Variants in SFXN1 observed in about 807,000 individuals in gnomAD.
The protein encoded by SFXN1 is sideroflexin-1.
A neutral mutation model predicts 39.5 loss-of-function variants in SFXN1; 32 were observed. That is an observed-to-expected ratio of 0.81 (90% CI 0.61 to 1.09). The LOEUF (loss-of-function observed/expected upper bound fraction) is 1.09, where lower values mean the gene tolerates loss of function less well. Among genes scored for constraint, SFXN1 ranks in the 50% least tolerant of loss-of-function variants. The pLI, the probability that SFXN1 is intolerant of heterozygous loss-of-function variation, is 0.00. For synonymous variants in SFXN1, 136 were observed against 146.5 expected, an observed-to-expected ratio of 0.93 and a Z score of 0.52; for missense variants, 402 against 407.1, an observed-to-expected ratio of 0.99 and a Z score of 0.11.
chr5:175,481,011 CTAAG>C (rs1759230624), intron 1 of SFXN1, among the ~76,000 whole-genome samples: 4 of 152,186 alleles, frequency 2.6e-5, no homozygotes, highest in African/African-American at 7.2e-5. Flanking sequence ...TTCAAAGTTA[CTAAG>C]TTTTTCTTTA....
intron 7 of SFXN1, 77 bp downstream of exon 7, chr5:175,513,667 C>T: frequency 6.9e-7 from 1 of 1,457,960 alleles, no homozygotes; most frequent in Non-Finnish European, 9.5e-7. Context: ...AGAAAACAAA[C>T]ACATATATCA....
chr5:175,524,477 T>C (rs1760998290), intron 10 of SFXN1, among the ~76,000 whole-genome samples: 1 of 152,072 alleles, frequency 6.6e-6, no homozygotes, highest in Non-Finnish European at 1.5e-5. Context: ...TCCCGTCTCC[T>C]ATGTGAACAA....
At chr5:175,507,177 CCTT>C (rs752816942) in intron 2 of SFXN1, among the ~76,000 whole-genome samples, 34 of 151,992 alleles carry the variant, frequency 2.2e-4, no homozygotes, top group Non-Finnish European at 4.4e-4. Flanking sequence ...CATTACTTGG[CCTT>C]CTTCTGTGTC....
At chr5:175,516,220 T>C (rs555741419) in intron 7 of SFXN1, among the ~76,000 whole-genome samples, 1 of 152,300 alleles carries the variant, frequency 6.6e-6, no homozygotes, top group South Asian at 2.1e-4. Flanking sequence ...TGGTCTAGCC[T>C]GTACGGAAGC....
At chr5:175,521,717 T>C (rs1360486648) in intron 8 of SFXN1, among the ~76,000 whole-genome samples, 1 of 152,238 alleles carries the variant, frequency 6.6e-6, no homozygotes, top group African/African-American at 2.4e-5. Context: ...ACTTGATCTT[T>C]GCGTGTGTGC....
Position 175,513,508 on chromosome 5 carries a change from C to G in SFXN1, c.642C>G (p.Arg214=), listed in dbSNP as rs901963159. The change falls in exon 7 of 11, where the codon CGC becomes CGG. Residue 214 remains arginine (R), a synonymous_variant. Transcript: ENST00000321442. ...CCGTCACGGATGAGAATGGGAACCGCTTGGGGGAGTCGGCGAACGCTGCGA... is the reference window on the plus strand; with the variant it reads ...CCGTCACGGATGAGAATGGGAACCGGTTGGGGGAGTCGGCGAACGCTGCGA... The part of the protein sequence containing the change: ...GIPVTDENGN[R]LGESANAAKQ... 1.9e-5 allele frequency: 30 copies of G among 1,613,750 alleles called. No individual in the cohort carries two copies. Among genetic ancestry groups the G allele is most frequent in the Middle Eastern group, 3.3e-4 (2 of 6,084 alleles).
At chr5:175,521,512 G>C (rs1760878352) in intron 8 of SFXN1, among the ~76,000 whole-genome samples, 1 of 152,216 alleles carries the variant, frequency 6.6e-6, no homozygotes, top group Non-Finnish European at 1.5e-5. Flanking sequence ...AGCTTGGAGA[G>C]GCTAGGCTCT....
chr5:175,482,013 C>G (rs1400040235), intron 1 of SFXN1, among the ~76,000 whole-genome samples: 50 of 152,210 alleles, frequency 3.3e-4, no homozygotes, highest in Admixed American at 3.2e-3. Flanking sequence ...CAAAGTCAGA[C>G]AGAACTGTGA....
rs200554539 is a variant in SFXN1, at chr5:175,485,037, GTT to G, written c.-10+6399_-10+6400del. Among the ~76,000 whole-genome samples the G allele has an allele frequency of 4.9e-4, 74 of 152,330 alleles. No individual in the cohort carries two copies. In the East Asian group the frequency reaches 0.013, roughly 27 times the overall value. ...TGCCTAATTGAAACATGGCATCACG[GTT>G]AATAATTAAAATGTTATCTGATTTG... On this transcript the variant is annotated intron_variant, in intron 1 of 10. Coordinates refer to ENST00000321442, the MANE Select transcript of SFXN1 (RefSeq NM_022754.7).
chr5:175,518,767 A>C (rs939337297), intron 8 of SFXN1, among the ~76,000 whole-genome samples: 2 of 152,226 alleles, frequency 1.3e-5, no homozygotes, highest in Admixed American at 1.3e-4. Flanking sequence ...TCAGTGATTC[A>C]TAGAATCTAA....
rs781064949 is a variant in SFXN1 at position 175,509,105 on chromosome 5, C to A, written c.238C>A (p.His80Asn). The A allele has an allele frequency of 6.8e-6, 11 of 1,613,854 alleles. No individual in the cohort carries two copies. The highest frequency in any genetic ancestry group is 1.7e-5 in the Admixed American group (1 of 59,938). ...RAKYIYDSAF[H>N]PDTGEKMILI... ...AAAGTACATCTATGATTCAGCTTTTCATCCTGACACTGGTGAGAAGATGAT... is the reference window on the plus strand; with the variant it reads ...AAAGTACATCTATGATTCAGCTTTTAATCCTGACACTGGTGAGAAGATGAT... The change falls in exon 3 of 11, where the codon CAT becomes AAT. Residue 80 changes from histidine to asparagine, a missense_variant. Physicochemically the swap from His to Asn is moderately conservative, Grantham distance 68 (BLOSUM62 1). Coordinates refer to ENST00000321442, the MANE Select transcript of SFXN1 (RefSeq NM_022754.7).
At position 175,505,533 on chromosome 5, in the gene SFXN1, AT is replaced by A. The variant is rs1760256420; in HGVS notation, c.165-3498del. Among the ~76,000 whole-genome samples, 4 of 134,314 alleles carry A rather than the reference AT, an allele frequency of 3.0e-5. No individual in the cohort carries two copies. The East Asian group carries it at 8.7e-4, about 29-fold the overall frequency. The allele number at this position is 134,314 out of a possible 152,430, so 88.1% of individuals were successfully genotyped here. On this transcript the variant is annotated intron_variant, in intron 2 of 10. Transcript: ENST00000321442. Reference sequence around the variant, plus strand: ...GCCTGGGCGACAAGAGTGCAACTCCATCACAATAATAATAATAATAATAATA... The same window carrying A: ...GCCTGGGCGACAAGAGTGCAACTCCACACAATAATAATAATAATAATAATA...
chr5:175,504,874 G>A (rs2940485), intron 2 of SFXN1, among the ~76,000 whole-genome samples: 6,332 of 151,844 alleles, frequency 0.042, 430 homozygotes, highest in African/African-American at 0.14. Context: ...GGCTACAGGC[G>A]CCCGCCACCA....
At chr5:175,509,241 A>C (rs767150666) in intron 3 of SFXN1, 39 bp downstream of exon 3, 1 of 1,535,112 alleles carries the variant, frequency 6.5e-7, no homozygotes, top group Non-Finnish European at 8.8e-7. Flanking sequence ...GTTTACCATT[A>C]CAGAAGCTCA....
chr5:175,479,651 C>T (rs188299125), intron 1 of SFXN1, among the ~76,000 whole-genome samples: 1 of 152,284 alleles, frequency 6.6e-6, no homozygotes, highest in Non-Finnish European at 1.5e-5. Flanking sequence ...CTATCCCCTG[C>T]GCATAACAAT....
At chr5:175,518,824 A>G (rs1017856783) in intron 8 of SFXN1, among the ~76,000 whole-genome samples, 1 of 152,242 alleles carries the variant, frequency 6.6e-6, no homozygotes, top group Non-Finnish European at 1.5e-5. Context: ...ATACAATAGA[A>G]CACGGGCTAG....
intron 10 of SFXN1, chr5:175,522,687 A>C: frequency 2.6e-6 from 1 of 387,274 alleles, no homozygotes; most frequent in East Asian, 4.5e-5. Context: ...CTCTGATGCA[A>C]ATTTGCTTTT....
chr5:175,526,616 T>C lies in SFXN1; in HGVS notation c.873-22T>C, dbSNP rs544680392. On this transcript the variant is annotated intron_variant, in intron 10 of 10. Transcript: ENST00000321442. ...CTCACCTCTGCCTGTGTAATAACCC[T>C]GTCATTTCTCCCTTATCCCAGTTCC... 1.2e-5 allele frequency: 19 copies of C among 1,603,912 alleles called. No homozygotes were observed. The South Asian group carries it at 1.8e-4, about 15-fold the overall frequency.
intron 7 of SFXN1, chr5:175,513,806 G>A (rs1033329513): frequency 6.5e-5 from 29 of 447,060 alleles, no homozygotes; most frequent in South Asian, 2.4e-4. Context: ...TAGGGCAGCC[G>A]GGGAAGAGCA....
Sources: gnomAD v4.1 joint callset for allele counts (sites outside exome capture counted in the v4.1 genomes callset) on GRCh38, gnomAD v4.1.1 for gene constraint, MANE v1.5 for transcripts, NCBI Gene and HGNC (gene_info 2026-07-23, HGNC 2026-07-21) for gene names.